BDH1: variants seen among roughly 807,000 people sequenced by gnomAD.
BDH1 encodes D-beta-hydroxybutyrate dehydrogenase, mitochondrial.
BDH1 carries 30 observed loss-of-function variants against 33.1 expected under a neutral mutation model. The observed-to-expected ratio is 0.91, with a 90% CI of 0.68 to 1.23. BDH1 has a LOEUF of 1.23. Ranked by LOEUF, BDH1 falls within the 50% of genes most tolerant of loss-of-function variation. The pLI is 0.00. For synonymous variants in BDH1, 190 were observed against 183.6 expected, an observed-to-expected ratio of 1.03 and a Z score of -0.28; for missense variants, 443 against 464.4, an observed-to-expected ratio of 0.95 and a Z score of 0.42.
At chr3:197,539,028 C>A (rs1014337169) in intron 3 of BDH1, 1 of 152,234 alleles carries the variant, frequency 6.6e-6, no homozygotes, top group Non-Finnish European at 1.5e-5. Context: ...GCTGACCTAA[C>A]CAACTCCATC....
At position 197,545,552 on chromosome 3, in the gene BDH1, G is replaced by A. The variant is rs577100466; in HGVS notation, c.83+809C>T. Among the ~76,000 whole-genome samples the A allele has an allele frequency of 9.8e-5, 15 of 152,288 alleles. No individual in the cohort carries two copies. In the South Asian group the frequency reaches 1.2e-3, roughly 13 times the overall value. On this transcript the variant is annotated intron_variant, in intron 3 of 7. Coordinates refer to ENST00000392379, the MANE Select transcript of BDH1 (RefSeq NM_203314.3). ...CGAAAAAGACTGAAGACCTGTCCCCGGCAGGAAGAAACTAAAAACACATGA... is the reference window on the plus strand; with the variant it reads ...CGAAAAAGACTGAAGACCTGTCCCCAGCAGGAAGAAACTAAAAACACATGA...
intron 5 of BDH1, among the ~76,000 whole-genome samples, chr3:197,524,398 T>C (rs756496237): frequency 3.9e-5 from 6 of 152,190 alleles, no homozygotes; most frequent in Non-Finnish European, 8.8e-5. Context: ...CCTCCGCTGG[T>C]TAGGCTGAGC....
chr3:197,552,132 G>A (rs1716628563), intron 2 of BDH1, among the ~76,000 whole-genome samples: 1 of 152,162 alleles, frequency 6.6e-6, no homozygotes, highest in African/African-American at 2.4e-5. Flanking sequence ...GTGCAAAACT[G>A]AGCCTGTGCT....
rs145752524 is a variant in BDH1, at chr3:197,539,431, C to T, written c.84-5870G>A. On this transcript the variant is annotated intron_variant, in intron 3 of 7. Transcript: ENST00000392379. Reference sequence around the variant, plus strand: ...CTGGGATTACAGGTGTGAGCCACCACGCCCAGACTATAGTTTATAGTTTAA... The same window carrying T: ...CTGGGATTACAGGTGTGAGCCACCATGCCCAGACTATAGTTTATAGTTTAA... 3.9e-5 allele frequency among the ~76,000 whole-genome samples: 6 copies of T among 152,310 alleles called. No individual in the cohort carries two copies. In the East Asian group the frequency reaches 7.7e-4, roughly 20 times the overall value.
At chr3:197,517,618 C>T (rs1466959229) in intron 6 of BDH1, among the ~76,000 whole-genome samples, 1 of 27,736 alleles carries the variant, frequency 3.6e-5, no homozygotes, top group Non-Finnish European at 7.3e-5. Context: ...CAGGCCGACC[C>T]CCCCAATCAG....
chr3:197,532,246 A>G (rs1714732102), intron 5 of BDH1, among the ~76,000 whole-genome samples, 166 bp downstream of exon 5: 1 of 152,232 alleles, frequency 6.6e-6, no homozygotes, highest in Non-Finnish European at 1.5e-5. Context: ...TGCATGGATG[A>G]TGGATGGACA....
In BDH1 at chr3:197,521,896, G is replaced by A. The variant is rs1207876674; in HGVS notation, c.409+744C>T. ...GAGGGAGATTCACAAGTCTCACAATGACCAGGCCATTCCCTCAGGATGACC... is the reference window on the plus strand; with the variant it reads ...GAGGGAGATTCACAAGTCTCACAATAACCAGGCCATTCCCTCAGGATGACC... On this transcript the variant is annotated intron_variant, in intron 6 of 7. Transcript: ENST00000392379. The surrounding 1 kb of genome is among the most constrained non-coding windows in gnomAD (Gnocchi z 4.9). Among the ~76,000 whole-genome samples, 1 of 152,042 alleles carries A rather than the reference G, an allele frequency of 6.6e-6. No individual in the cohort carries two copies. Among genetic ancestry groups the A allele is most frequent in the Non-Finnish European group, 1.5e-5 (1 of 68,004 alleles).
At chr3:197,562,476 G>A (rs1205666191) in intron 1 of BDH1, among the ~76,000 whole-genome samples, 4 of 152,238 alleles carry the variant, frequency 2.6e-5, no homozygotes, top group Non-Finnish European at 4.4e-5. Flanking sequence ...GGCCTCGTGG[G>A]AGCGTCTGGG....
intron 1 of BDH1, among the ~76,000 whole-genome samples, chr3:197,563,451 G>A (rs1199665726): frequency 1.3e-5 from 2 of 152,202 alleles, no homozygotes; most frequent in Non-Finnish European, 2.9e-5. Context: ...TTAAAAGCAA[G>A]ATGGAGTCAG....
intron 1 of BDH1, among the ~76,000 whole-genome samples, chr3:197,566,156 T>C (rs1717425419): frequency 6.6e-6 from 1 of 152,248 alleles, no homozygotes; most frequent in Admixed American, 6.5e-5. Flanking sequence ...AGTATTCTTA[T>C]GACAATACAG....
At position 197,510,630 on chromosome 3, in the gene BDH1, G is replaced by A. The variant is rs1359084271; in HGVS notation, c.*1265C>T. The A allele has an allele frequency of 2.9e-5, 1 of 33,992 alleles. No homozygotes were observed. Among genetic ancestry groups the A allele is most frequent in the East Asian group, 3.2e-4 (1 of 3,166 alleles). 2.1% of individuals were successfully genotyped at this position (33,992 alleles called of 1,614,324 possible). A position where few individuals can be genotyped will look rare whatever the true frequency, so the allele number is the denominator to read the frequency against. On this transcript the variant is annotated 3_prime_UTR_variant, in exon 8 of 8. Coordinates refer to ENST00000392379, the MANE Select transcript of BDH1 (RefSeq NM_203314.3). The stretch of plus-strand genomic sequence containing the variant: ...TGTGTGTGTGTGTGTGTGTGTGTGT[G>A]TGTGTGTGTGTGTGTGTGTGTGTGT...
Position 197,522,790 on chromosome 3 carries a change from G to A in BDH1, c.268-9C>T. The A allele has an allele frequency of 6.2e-7, 1 of 1,613,318 alleles. No individual in the cohort carries two copies. The highest frequency in any genetic ancestry group is 8.5e-7 in the Non-Finnish European group (1 of 1,179,516). On this transcript the variant is annotated splice_polypyrimidine_tract_variant and intron_variant, in intron 5 of 7. Transcript: ENST00000392379. This position sits in a 1 kb window ranked among gnomAD's most constrained non-coding sequence, Gnocchi z 4.8. ...CCATCATGGCCTTTGTCCTGGGGAG[G>A]AGAGAAGAGCTGCTTCTACCTCCTT... is the stretch of plus-strand genomic sequence containing the variant.
At chr3:197,543,273 T>G in intron 3 of BDH1, 2 of 708,122 alleles carry the variant, frequency 2.8e-6, no homozygotes, top group Non-Finnish European at 3.5e-6. Flanking sequence ...TGTTTGACCA[T>G]GAATCCCGCA....
Position 197,522,942 on chromosome 3 carries a change from T to C in BDH1, c.268-161A>G. On this transcript the variant is annotated intron_variant, in intron 5 of 7. Transcript: ENST00000392379. The surrounding 1 kb of genome is among the most constrained non-coding windows in gnomAD (Gnocchi z 4.8). ...TGGCCCACCAGCATGCGGTTCTTTT[T>C]AATCCTGAGCACTGATGACCTATCA... is the stretch of plus-strand genomic sequence containing the variant. 1 of 727,682 alleles carries C rather than the reference T, an allele frequency of 1.4e-6. No homozygotes were observed. Among genetic ancestry groups the C allele is most frequent in the Non-Finnish European group, 2.2e-6 (1 of 452,190 alleles). The allele number at this position is 727,682 out of a possible 1,614,324, so 45.1% of individuals were successfully genotyped here. A position where few individuals can be genotyped will look rare whatever the true frequency, so the allele number is the denominator to read the frequency against.
intron 3 of BDH1, among the ~76,000 whole-genome samples, chr3:197,534,562 G>T (rs1396815419): frequency 6.6e-5 from 10 of 152,154 alleles, no homozygotes; most frequent in Admixed American, 6.5e-4. Context: ...TTGCGCAAAC[G>T]TTGAGTTTTC....
In BDH1 at chr3:197,521,461, G is replaced by A. The variant is rs1436961277; in HGVS notation, c.409+1179C>T. On this transcript the variant is annotated intron_variant, in intron 6 of 7. Coordinates refer to ENST00000392379, the MANE Select transcript of BDH1 (RefSeq NM_203314.3). The surrounding 1 kb of genome is among the most constrained non-coding windows in gnomAD (Gnocchi z 4.9). ...TCTCCTCCAAACTTTCTGTTGTTTA[G>A]CCTCTGGGGAACTGTATCCAACCTC... 2.0e-5 allele frequency among the ~76,000 whole-genome samples: 3 copies of A among 152,110 alleles called. No individual in the cohort carries two copies. Among genetic ancestry groups the A allele is most frequent in the Non-Finnish European group, 4.4e-5 (3 of 68,014 alleles).
chr3:197,523,027 G>T lies in BDH1; in HGVS notation c.268-246C>A, dbSNP rs959888858. ...ATAGGATGAAGAGCCGGCCCCCAAG[G>T]CCTCAAGACAGGATTCCTTCTCCAA... On this transcript the variant is annotated intron_variant, in intron 5 of 7. Transcript: ENST00000392379. This position sits in a 1 kb window ranked among gnomAD's most constrained non-coding sequence, Gnocchi z 4.5. 6 of 481,204 alleles carry T rather than the reference G, an allele frequency of 1.2e-5. No homozygotes were observed. Among genetic ancestry groups the T allele is most frequent in the African/African-American group, 5.9e-5 (3 of 50,914 alleles). The allele number at this position is 481,204 out of a possible 1,614,324, so 29.8% of individuals were successfully genotyped here. A position where few individuals can be genotyped will look rare whatever the true frequency, so the allele number is the denominator to read the frequency against.
In BDH1 at chr3:197,532,460, C is replaced by A. The variant is rs774023746; in HGVS notation, c.219G>T (p.Lys73Asn). The change falls in exon 5 of 8, where the codon AAG becomes AAT. Residue 73 changes from lysine (K) to asparagine (N), a missense_variant. Transcript: ENST00000392379. The part of the protein sequence containing the change: ...CDSGFGFSLA[K>N]HLHSKGFLVF... ...CAAGGAAGCCTTTTGAATGCAGATG[C>A]TTGGCCAATGAGAACCCAAATCCAG... is the stretch of plus-strand genomic sequence containing the variant. 1.9e-6 allele frequency: 3 copies of A among 1,614,232 alleles called. No individual in the cohort carries two copies. Among genetic ancestry groups the A allele is most frequent in the Non-Finnish European group, 2.5e-6 (3 of 1,180,028 alleles).
In BDH1 at chr3:197,539,687, A is replaced by G. The variant is rs961485020; in HGVS notation, c.84-6126T>C. ...GGATCAGCTGGCACCACCCAGGTGG[A>G]CAAACTGGCTCATCTGCTCTTGTGG... is the stretch of plus-strand genomic sequence containing the variant. On this transcript the variant is annotated intron_variant, in intron 3 of 7. Transcript: ENST00000392379. 8.5e-5 allele frequency among the ~76,000 whole-genome samples: 13 copies of G among 152,350 alleles called. No individual in the cohort carries two copies. In the East Asian group the frequency reaches 1.5e-3, roughly 18 times the overall value.
Sources: gnomAD v4.1 joint callset for allele counts (sites outside exome capture counted in the v4.1 genomes callset) on GRCh38, gnomAD v4.1.1 for gene constraint, Gnocchi (gnomAD v3.1) non-coding constraint, MANE v1.5 for transcripts, NCBI Gene and HGNC (gene_info 2026-07-23, HGNC 2026-07-21) for gene names.